NRXN3: variants seen among roughly 807,000 people sequenced by gnomAD.
The protein encoded by NRXN3 is neurexin 3.
In NRXN3, 32 loss-of-function variants were observed where a neutral mutation model predicts 137.6. The ratio of observed to expected loss-of-function variants is 0.23; its 90% CI spans 0.18 to 0.31. The LOEUF (loss-of-function observed/expected upper bound fraction) is 0.31. Among genes scored for constraint, NRXN3 ranks in the 10% least tolerant of loss-of-function variants. The pLI, the probability that NRXN3 is intolerant of heterozygous loss-of-function variation, is 1.00. For synonymous variants in NRXN3, 798 were observed against 784.5 expected, an observed-to-expected ratio of 1.02 and a Z score of -0.29; for missense variants, 1,574 against 2,062.5, an observed-to-expected ratio of 0.76 and a Z score of 4.59.
chr14:78,858,262 G>A (rs1024847389), intron 10 of NRXN3, among the ~76,000 whole-genome samples: 10 of 152,076 alleles, frequency 6.6e-5, no homozygotes, highest in African/African-American at 2.4e-4. Flanking sequence ...CCTGACACCT[G>A]TCTGGGGAAT....
At chr14:79,212,741 A>C (rs1314379761) in intron 15 of NRXN3, among the ~76,000 whole-genome samples, 1 of 151,696 alleles carries the variant, frequency 6.6e-6, no homozygotes, top group African/African-American at 2.4e-5. Context: ...GATAAAACAA[A>C]GGTAAGTAGG....
intron 16 of NRXN3, among the ~76,000 whole-genome samples, chr14:79,601,075 C>A: frequency 8.6e-6 from 1 of 115,692 alleles, no homozygotes; most frequent in African/African-American, 3.4e-5. Context: ...GATGGAGTCT[C>A]ACTCTGTCAC....
At chr14:78,595,756 C>G (rs960685679) in intron 4 of NRXN3, among the ~76,000 whole-genome samples, 1 of 152,008 alleles carries the variant, frequency 6.6e-6, no homozygotes, top group Non-Finnish European at 1.5e-5. Flanking sequence ...TTTGGGGAGA[C>G]GTAGAATTGA....
At chr14:78,527,252 G>A (rs4903779) in intron 4 of NRXN3, among the ~76,000 whole-genome samples, 49,525 of 152,090 alleles carry the variant, frequency 0.33, 8,960 homozygotes, top group Admixed American at 0.39. Flanking sequence ...TGTACAGGAA[G>A]CACAGCAGCA....
chr14:78,743,275 T>C (rs550691341), intron 8 of NRXN3, among the ~76,000 whole-genome samples: 33 of 152,344 alleles, frequency 2.2e-4, no homozygotes, highest in Non-Finnish European at 4.0e-4. Flanking sequence ...GACAAGATGA[T>C]CTTTATGCTC....
chr14:78,296,439 C>G (rs1037314262), intron 3 of NRXN3, among the ~76,000 whole-genome samples: 13 of 152,128 alleles, frequency 8.5e-5, no homozygotes, highest in Admixed American at 5.2e-4. Context: ...TTTTAAGAAC[C>G]TTTATTTCTA....
intron 4 of NRXN3, among the ~76,000 whole-genome samples, chr14:78,401,754 G>T (rs1023131021): frequency 2.6e-5 from 4 of 152,130 alleles, no homozygotes; most frequent in Non-Finnish European, 5.9e-5. Context: ...AAGCTGGCTG[G>T]CCCACATAAG....
intron 20 of NRXN3, among the ~76,000 whole-genome samples, chr14:79,820,279 A>G (rs1037408716): frequency 6.6e-6 from 1 of 152,164 alleles, no homozygotes; most frequent in African/African-American, 2.4e-5. Flanking sequence ...TCCTGCCTGC[A>G]TTGCGAGCAA....
chr14:79,005,152 A>G (rs896933101), intron 15 of NRXN3, among the ~76,000 whole-genome samples: 2 of 152,196 alleles, frequency 1.3e-5, no homozygotes, highest in East Asian at 3.9e-4. Flanking sequence ...ACTAGCCTCC[A>G]TGTGGCAGTT....
chr14:79,244,661 C>A (rs1300173267), intron 15 of NRXN3, among the ~76,000 whole-genome samples: 1 of 152,124 alleles, frequency 6.6e-6, no homozygotes, highest in Non-Finnish European at 1.5e-5. Context: ...CCTTTGCAGA[C>A]AACAAGATGT....
chr14:78,578,534 G>A (rs1462377317), intron 4 of NRXN3, among the ~76,000 whole-genome samples: 1 of 152,098 alleles, frequency 6.6e-6, no homozygotes, highest in Non-Finnish European at 1.5e-5. Flanking sequence ...TTTTTCACCT[G>A]AATGCTCTTT....
At chr14:79,139,461 T>C (rs1187516629) in intron 15 of NRXN3, among the ~76,000 whole-genome samples, 2 of 152,162 alleles carry the variant, frequency 1.3e-5, no homozygotes, top group African/African-American at 2.4e-5. Flanking sequence ...GGGTTTCACT[T>C]ATAAATATTA....
At chr14:79,493,190 A>G (rs893758825) in intron 16 of NRXN3, among the ~76,000 whole-genome samples, 1 of 152,216 alleles carries the variant, frequency 6.6e-6, no homozygotes, top group Admixed American at 6.5e-5. Flanking sequence ...GATCAATACC[A>G]CACAAAACGT....
rs2098646800 is a variant in NRXN3, at chr14:78,752,324, C to A, written c.2044+37185C>A. ...CCAGCCACTCGGGAGGCTGAGGCAC[C>A]AGAATCACTTGAACCCAGGAGGCGG... On this transcript the variant is annotated intron_variant, in intron 8 of 20. Coordinates refer to ENST00000335750, the MANE Select transcript of NRXN3 (RefSeq NM_001330195.2). Among the ~76,000 whole-genome samples the A allele has an allele frequency of 2.0e-5, 3 of 152,140 alleles. No individual in the cohort carries two copies. The South Asian group carries it at 6.2e-4, about 31-fold the overall frequency.
chr14:78,786,140 T>A (rs1449940791), intron 8 of NRXN3, among the ~76,000 whole-genome samples: 2 of 152,234 alleles, frequency 1.3e-5, no homozygotes, highest in Admixed American at 6.5e-5. Context: ...GAAATTTGTT[T>A]TATTCATTGC....
intron 16 of NRXN3, among the ~76,000 whole-genome samples, chr14:79,584,265 G>A (rs772046755): frequency 1.3e-5 from 2 of 152,146 alleles, no homozygotes; most frequent in Non-Finnish European, 2.9e-5. Flanking sequence ...TGTCCAGGGG[G>A]TGAGCAGAAA....
intron 4 of NRXN3, among the ~76,000 whole-genome samples, chr14:78,455,950 C>T (rs958607534): frequency 1.3e-5 from 2 of 152,156 alleles, no homozygotes; most frequent in African/African-American, 4.8e-5. Context: ...TTGGGAAAGC[C>T]TTAGTCTTCT....
At chr14:78,857,357 G>T (rs1004371532) in intron 10 of NRXN3, among the ~76,000 whole-genome samples, 2 of 152,112 alleles carry the variant, frequency 1.3e-5, no homozygotes, top group Non-Finnish European at 2.9e-5. Context: ...AGTTATTCTG[G>T]CAGTCTTAGG....
At position 79,498,662 on chromosome 14, in the gene NRXN3, C is replaced by T. The variant is rs1482602465; in HGVS notation, c.3444+31260C>T. ...CCCGAATACATTCAAAATTAGACCA[C>T]TTCTCACTGCAACTCAATACCATGC... is the stretch of plus-strand genomic sequence containing the variant. On this transcript the variant is annotated intron_variant, in intron 16 of 20. Transcript: ENST00000335750. Among the ~76,000 whole-genome samples, 3 of 152,264 alleles carry T rather than the reference C, an allele frequency of 2.0e-5. No homozygotes were observed. The East Asian group carries it at 5.8e-4, about 29-fold the overall frequency.
Sources: gnomAD v4.1 joint callset for allele counts (sites outside exome capture counted in the v4.1 genomes callset) on GRCh38, gnomAD v4.1.1 for gene constraint, MANE v1.5 for transcripts, NCBI Gene and HGNC (gene_info 2026-07-23, HGNC 2026-07-21) for gene names.